Variants in FHIP2A observed in about 807,000 individuals in gnomAD.
FHIP2A encodes the protein family with sequence similarity 160 member B1.
Under a neutral mutation model 93.5 loss-of-function variants are expected in FHIP2A, and 46 were observed. That is an observed-to-expected ratio of 0.49 (90% CI 0.39 to 0.63). FHIP2A has a LOEUF of 0.63. Among genes scored for constraint, FHIP2A ranks in the 20% least tolerant of loss-of-function variants. The probability of loss-of-function intolerance (pLI) is 0.00; values close to 1 mark genes in which losing one functional copy is unlikely to be tolerated. For synonymous variants in FHIP2A, 332 were observed against 326.5 expected (o/e 1.02, Z -0.18); for missense variants, 769 against 909.7 (o/e 0.85, Z 1.99).
downstream of FHIP2A, among the ~76,000 whole-genome samples, chr10:114,865,379 A>C (rs2083823657): frequency 6.6e-6 from 1 of 151,954 alleles, no homozygotes; most frequent in South Asian, 2.1e-4. Context: ...AAACAATTAG[A>C]CTCTAGACTT....
intron 7 of FHIP2A, among the ~76,000 whole-genome samples, chr10:114,844,168 C>A (rs1054120412): frequency 1.3e-5 from 2 of 152,058 alleles, no homozygotes; most frequent in African/African-American, 4.8e-5. Flanking sequence ...TTTTACTGAT[C>A]AATTTTTAAG....
At chr10:114,827,883 G>A (rs1234584098) in intron 1 of FHIP2A, among the ~76,000 whole-genome samples, 1 of 151,680 alleles carries the variant, frequency 6.6e-6, no homozygotes, top group Non-Finnish European at 1.5e-5. Context: ...TGCAGAGAAA[G>A]CGAAGTCTAG....
At chr10:114,861,203 A>G in intron 15 of FHIP2A, 28 bp from the exon 16 acceptor site, 1 of 1,610,860 alleles carries the variant, frequency 6.2e-7, no homozygotes, top group East Asian at 2.2e-5. Flanking sequence ...GATTTCAGGA[A>G]CTGAAGTGCC....
Position 114,861,231 on chromosome 10 carries a change from G to A in FHIP2A, c.2089G>A (p.Val697Ile), listed in dbSNP as rs2083796777. The change falls in exon 16 of 17, where the codon GTT (valine) becomes ATT (isoleucine). Residue 697 changes from valine (V) to isoleucine (I), a missense_variant and splice_region_variant. By Grantham distance (29) the Val-to-Ile change is conservative. Coordinates refer to ENST00000369248, the MANE Select transcript of FHIP2A (RefSeq NM_020940.4). ...GAAGTGCCTTGCCTCTGTGATGCAG[G>A]TTGTTGGAGACCTTATGCTTCGAAT... Reference protein sequence around the residue: ...CRSLFSVIVRVVGDLMLRIQR... With the variant: ...CRSLFSVIVRIVGDLMLRIQR... 6.2e-7 allele frequency: 1 copy of A among 1,613,902 alleles called. No homozygotes were observed. The highest frequency in any genetic ancestry group is 1.7e-5 in the Admixed American group (1 of 59,988).
At chr10:114,848,435 T>C (rs1481460618) in intron 12 of FHIP2A, among the ~76,000 whole-genome samples, 1 of 152,182 alleles carries the variant, frequency 6.6e-6, no homozygotes, top group African/African-American at 2.4e-5. Flanking sequence ...ATTGTAAAAC[T>C]TATCAGGAAT....
intron 1 of FHIP2A, among the ~76,000 whole-genome samples, chr10:114,824,551 A>C (rs1338616439): frequency 6.6e-6 from 1 of 152,198 alleles, no homozygotes; most frequent in Non-Finnish European, 1.5e-5. Flanking sequence ...ATAGGAGGTT[A>C]AATCTCATGA....
chr10:114,842,608 A>G (rs770468439), intron 5 of FHIP2A, among the ~76,000 whole-genome samples: 11 of 152,068 alleles, frequency 7.2e-5, no homozygotes, highest in Admixed American at 1.3e-4. Flanking sequence ...GAAAAAAGTT[A>G]ACTGCAATTG....
rs2083682994 is a variant in FHIP2A at position 114,843,687 on chromosome 10, C to A, written c.817-54C>A. On this transcript the variant is annotated intron_variant, in intron 6 of 16. Coordinates refer to ENST00000369248, the MANE Select transcript of FHIP2A (RefSeq NM_020940.4). The stretch of plus-strand genomic sequence containing the variant: ...TCCTTTTATGTTGAATGTTTTCAAA[C>A]AACCTGATGTATATACAATTCAAGA... 10 of 1,274,444 alleles carry A rather than the reference C, an allele frequency of 7.8e-6. No homozygotes were observed. In the South Asian group the frequency reaches 1.8e-4, roughly 23 times the overall value. 78.9% of individuals were successfully genotyped at this position (1,274,444 alleles called of 1,614,324 possible). A position where few individuals can be genotyped will look rare whatever the true frequency, so the allele number is the denominator to read the frequency against.
At chr10:114,831,648 T>C (rs1001974233) in intron 2 of FHIP2A, among the ~76,000 whole-genome samples, 1 of 152,260 alleles carries the variant, frequency 6.6e-6, no homozygotes, top group Non-Finnish European at 1.5e-5. Context: ...TTTTAGAATA[T>C]GAAATGAGAC....
Position 114,862,678 on chromosome 10 carries a change from CT to C in FHIP2A, c.*1140del. The C allele has an allele frequency of 1.0e-6, 1 of 985,648 alleles. No individual in the cohort carries two copies. Among genetic ancestry groups the C allele is most frequent in the Non-Finnish European group, 1.2e-6 (1 of 830,102 alleles). The allele number at this position is 985,648 out of a possible 1,614,324, so 61.1% of individuals were successfully genotyped here. On this transcript the variant is annotated 3_prime_UTR_variant, in exon 17 of 17. Coordinates refer to ENST00000369248, the MANE Select transcript of FHIP2A (RefSeq NM_020940.4). ...GCAAAGCTGCGCTGGGCACAGCATG[CT>C]TGTACTTGATTGACAAAATCGTGTT...
Position 114,862,775 on chromosome 10 carries a change from G to A in FHIP2A, c.*1235G>A, listed in dbSNP as rs1163223377. On this transcript the variant is annotated 3_prime_UTR_variant, in exon 17 of 17. Transcript: ENST00000369248. Reference sequence around the variant, plus strand: ...AAATAATGCTTTTAAGCTATTGTTTGTTTTTATTTGACATGTTAAGCCGCA... The same window carrying A: ...AAATAATGCTTTTAAGCTATTGTTTATTTTTATTTGACATGTTAAGCCGCA... 1 of 985,272 alleles carries A rather than the reference G, an allele frequency of 1.0e-6. No individual in the cohort carries two copies. The allele number at this position is 985,272 out of a possible 1,614,324, so 61.0% of individuals were successfully genotyped here.
chr10:114,846,770 G>C (rs371947903), intron 11 of FHIP2A, 42 bp downstream of exon 11: 2 of 1,501,786 alleles, frequency 1.3e-6, no homozygotes, highest in South Asian at 1.3e-5. Flanking sequence ...ATTTCATGTA[G>C]AGATAGAACT....
rs553901791 is a variant in FHIP2A, at chr10:114,864,224, A to G, written c.*2684A>G. 2.4e-4 allele frequency: 237 copies of G among 984,102 alleles called. 1 individual carries two copies. In the South Asian group the frequency reaches 5.1e-3, roughly 21 times the overall value. The allele number at this position is 984,102 out of a possible 1,614,324, so 61.0% of individuals were successfully genotyped here. ...GGCACAAATTATGGAATTACTTCAT[A>G]AATTCATGGTAATGTTTTCATAAAT... On this transcript the variant is annotated 3_prime_UTR_variant, in exon 17 of 17. Transcript: ENST00000369248.
chr10:114,889,579 C>T (rs920670923), intron 16 of FHIP2A, among the ~76,000 whole-genome samples: 1 of 152,230 alleles, frequency 6.6e-6, no homozygotes, highest in African/African-American at 2.4e-5. Flanking sequence ...GGCCTCCTGG[C>T]TTCTGGTGGT....
intron 16 of FHIP2A, among the ~76,000 whole-genome samples, chr10:114,873,446 C>A (rs1401013138): frequency 6.6e-6 from 1 of 152,180 alleles, no homozygotes; most frequent in African/African-American, 2.4e-5. Context: ...TAAAGTTATT[C>A]TTTCCCTCCC....
At chr10:114,848,786 T>G (rs769294428) in intron 13 of FHIP2A, 49 bp downstream of exon 13, 4 of 1,176,244 alleles carry the variant, frequency 3.4e-6, no homozygotes, top group East Asian at 2.3e-5. Flanking sequence ...AATAGACACA[T>G]GCACACCCCT....
At chr10:114,841,292 GTTTTTTT>G (rs397845509) in intron 5 of FHIP2A, among the ~76,000 whole-genome samples, 2 of 125,058 alleles carry the variant, frequency 1.6e-5, no homozygotes, top group Non-Finnish European at 3.2e-5. Context: ...TATGCCATTG[GTTTTTTT>G]TTTTTTTTTT....
intron 5 of FHIP2A, among the ~76,000 whole-genome samples, chr10:114,840,686 C>G (rs2083663730): frequency 6.6e-6 from 1 of 152,096 alleles, no homozygotes; most frequent in South Asian, 2.1e-4. Context: ...TGCTCAGATG[C>G]AGAAGCTGGG....
downstream of FHIP2A, among the ~76,000 whole-genome samples, chr10:114,868,140 T>C (rs538536634): frequency 1.3e-5 from 2 of 152,156 alleles, no homozygotes; most frequent in Non-Finnish European, 2.9e-5. Context: ...CCCAGGCTTA[T>C]GATTTTATAT....
Sources: gnomAD v4.1 joint callset for allele counts (sites outside exome capture counted in the v4.1 genomes callset) on GRCh38, gnomAD v4.1.1 for gene constraint, MANE v1.5 for transcripts, NCBI Gene and HGNC (gene_info 2026-07-23, HGNC 2026-07-21) for gene names.